Variants in PLXDC2 observed in about 807,000 individuals in gnomAD.
PLXDC2 encodes the protein plexin domain containing 2, also known as plexin domain-containing protein 2.
A neutral mutation model predicts 68.9 loss-of-function variants in PLXDC2; 40 were observed. That is an observed-to-expected ratio of 0.58 (90% CI 0.45 to 0.76). The LOEUF (loss-of-function observed/expected upper bound fraction) is 0.76. Ranked by LOEUF, PLXDC2 falls within the 30% of genes least tolerant of loss-of-function variation. The pLI, the probability that PLXDC2 is intolerant of heterozygous loss-of-function variation, is 0.00. For synonymous variants in PLXDC2, 243 were observed against 234.2 expected, an observed-to-expected ratio of 1.04 and a Z score of -0.34; for missense variants, 644 against 661.9, an observed-to-expected ratio of 0.97 and a Z score of 0.30.
At chr10:19,867,064 CTTTTTTTTT>C (rs61651939) in intron 1 of PLXDC2, among the ~76,000 whole-genome samples, 5 of 124,736 alleles carry the variant, frequency 4.0e-5, no homozygotes, top group Non-Finnish European at 8.2e-5. Flanking sequence ...TCCTTTCCCT[CTTTTTTTTT>C]TTTTTTTTTT....
At chr10:20,005,273 T>A (rs984850277) in intron 2 of PLXDC2, among the ~76,000 whole-genome samples, 1 of 152,184 alleles carries the variant, frequency 6.6e-6, no homozygotes, top group African/African-American at 2.4e-5. Context: ...TCAGTCTGGC[T>A]CATAAAAGAC....
intron 13 of PLXDC2, among the ~76,000 whole-genome samples, chr10:20,275,195 A>G (rs777235733): frequency 2.0e-5 from 3 of 149,970 alleles, no homozygotes; most frequent in Non-Finnish European, 4.5e-5. Flanking sequence ...CCTGAGGTTC[A>G]ATATTTTTTT....
chr10:19,976,989 A>G (rs1392822615), intron 1 of PLXDC2, among the ~76,000 whole-genome samples: 2 of 151,630 alleles, frequency 1.3e-5, no homozygotes, highest in African/African-American at 4.9e-5. Flanking sequence ...TTCTTATTTC[A>G]TGAATGAAAG....
intron 2 of PLXDC2, among the ~76,000 whole-genome samples, chr10:20,039,130 A>G (rs12416295): frequency 0.067 from 10,191 of 152,156 alleles, 444 homozygotes; most frequent in Admixed American, 0.099. Context: ...CTTCAACCAC[A>G]CTGTATCTTC....
chr10:20,271,132 G>GGCACACACACAT (rs1554780227), intron 13 of PLXDC2, among the ~76,000 whole-genome samples: 5 of 97,856 alleles, frequency 5.1e-5, no homozygotes, highest in African/African-American at 1.6e-4. Context: ...ACAAAAAACA[G>GGCACACACACAT]ACACACACAC....
intron 7 of PLXDC2, among the ~76,000 whole-genome samples, chr10:20,174,315 AAAAAT>A (rs1236283068): frequency 2.8e-5 from 4 of 141,504 alleles, no homozygotes; most frequent in African/African-American, 7.3e-5. Flanking sequence ...AAACTAAAAA[AAAAAT>A]GATGTGATTT....
chr10:20,027,053 T>C (rs1019623335), intron 2 of PLXDC2, among the ~76,000 whole-genome samples: 5 of 133,938 alleles, frequency 3.7e-5, no homozygotes, highest in African/African-American at 1.4e-4. Context: ...TATTCTAATA[T>C]ATAGAATACA....
chr10:20,170,308 G>A (rs4237354), intron 7 of PLXDC2, among the ~76,000 whole-genome samples: 86,435 of 151,946 alleles, frequency 0.57, 26,325 homozygotes, highest in East Asian at 0.9. Flanking sequence ...CTCCTGCCTC[G>A]GTCTCCCAAG....
rs116754649 is a variant in PLXDC2 at position 20,150,522 on chromosome 10, T to G, written c.783+2620T>G. On this transcript the variant is annotated intron_variant, in intron 6 of 13. Transcript: ENST00000377252. Reference sequence around the variant, plus strand: ...TTTTTATGTCACACTCCCTGGAAGCTGAGAGAATAGTTCTCAAAAGGACTT... The same window carrying G: ...TTTTTATGTCACACTCCCTGGAAGCGGAGAGAATAGTTCTCAAAAGGACTT... 6.9e-3 allele frequency among the ~76,000 whole-genome samples: 1,046 copies of G among 152,300 alleles called. 15 individuals carry two copies. The highest frequency in any genetic ancestry group is 0.024 in the African/African-American group (999 of 41,558).
intron 1 of PLXDC2, among the ~76,000 whole-genome samples, chr10:19,882,273 A>G (rs1159529250): frequency 6.6e-6 from 1 of 152,170 alleles, no homozygotes; most frequent in Non-Finnish European, 1.5e-5. Flanking sequence ...CACACAATAA[A>G]CATCAATGCA....
chr10:20,258,622 CTTTG>C (rs1259114251), intron 13 of PLXDC2, among the ~76,000 whole-genome samples: 4 of 152,100 alleles, frequency 2.6e-5, no homozygotes, highest in African/African-American at 7.2e-5. Flanking sequence ...ATAGCAAAGA[CTTTG>C]TTTAAGTTGA....
At chr10:20,198,160 G>A (rs1834866805) in intron 9 of PLXDC2, among the ~76,000 whole-genome samples, 2 of 152,268 alleles carry the variant, frequency 1.3e-5, no homozygotes, top group Admixed American at 6.5e-5. Context: ...GTGTGAGTAG[G>A]ATGGGAGGGT....
In PLXDC2 at chr10:20,143,380, T is replaced by C; in HGVS notation, c.627T>C (p.Ser209=). The C allele has an allele frequency of 6.2e-7, 1 of 1,613,264 alleles. No individual in the cohort carries two copies. The highest frequency in any genetic ancestry group is 1.1e-5 in the South Asian group (1 of 91,064). The stretch of plus-strand genomic sequence containing the variant: ...CTTTAATGGCAAATTTCGATCCCAG[T>C]GTATCCAGAAATTCAACTGTCAGAT... The part of the protein sequence containing the change: ...IAPLMANFDP[S]VSRNSTVRYF... The change falls in exon 5 of 14, where the codon AGT becomes AGC. Residue 209 remains serine (S), a synonymous_variant. Coordinates refer to ENST00000377252, the MANE Select transcript of PLXDC2 (RefSeq NM_032812.9).
intron 9 of PLXDC2, among the ~76,000 whole-genome samples, chr10:20,197,630 A>G (rs1834857738): frequency 6.6e-6 from 1 of 152,004 alleles, no homozygotes; most frequent in Non-Finnish European, 1.5e-5. Flanking sequence ...TGCTGGGATT[A>G]GAGGCATAAG....
intron 1 of PLXDC2, among the ~76,000 whole-genome samples, chr10:19,994,099 A>G (rs1312357518): frequency 6.6e-6 from 1 of 152,088 alleles, no homozygotes; most frequent in Non-Finnish European, 1.5e-5. Context: ...GACATGTGTT[A>G]TACTTCTTAC....
intron 1 of PLXDC2, among the ~76,000 whole-genome samples, chr10:19,913,298 C>T (rs1369000050): frequency 6.6e-6 from 1 of 152,044 alleles, no homozygotes; most frequent in Non-Finnish European, 1.5e-5. Context: ...GTAGCACCTC[C>T]CCTTTCTCTC....
At chr10:20,050,721 CAAACA>C (rs1488992529) in intron 3 of PLXDC2, among the ~76,000 whole-genome samples, 190 of 150,738 alleles carry the variant, frequency 1.3e-3, no homozygotes, top group African/African-American at 4.4e-3. Flanking sequence ...ACAAAACAAA[CAAACA>C]AAAAAAAACA....
chr10:20,030,747 T>G (rs1835489667), intron 2 of PLXDC2, among the ~76,000 whole-genome samples: 1 of 152,110 alleles, frequency 6.6e-6, no homozygotes, highest in South Asian at 2.1e-4. Flanking sequence ...ATTAGTTGAT[T>G]CAGGTGAGCT....
intron 1 of PLXDC2, among the ~76,000 whole-genome samples, chr10:19,843,124 C>T (rs1432002740): frequency 6.7e-6 from 1 of 148,340 alleles, no homozygotes; most frequent in African/African-American, 2.6e-5. Flanking sequence ...ACTGTATCTA[C>T]AGCATTTTGG....
Sources: allele counts gnomAD v4.1 joint callset (sites outside exome capture counted in the v4.1 genomes callset), GRCh38; gene constraint gnomAD v4.1.1; transcripts MANE v1.5; gene names NCBI Gene and HGNC (gene_info 2026-07-23, HGNC 2026-07-21).